The following FAM20C variants were observed in gnomAD, a reference collection of about 807,000 sequenced individuals.
The protein encoded by FAM20C is FAM20C golgi associated secretory pathway kinase, also known as extracellular serine/threonine protein kinase FAM20C.
FAM20C carries 40 observed loss-of-function variants against 51.5 expected under a neutral mutation model. That is an observed-to-expected ratio of 0.78 (90% CI 0.60 to 1.01). The LOEUF (loss-of-function observed/expected upper bound fraction) is 1.01. FAM20C is among the 50% of genes least tolerant of loss of function. The probability of loss-of-function intolerance (pLI) is 0.00; values close to 1 mark genes in which losing one functional copy is unlikely to be tolerated. For missense variants in FAM20C, 861 were observed against 844.7 expected (o/e 1.02, Z -0.24); for synonymous variants, 406 against 380.6 (o/e 1.07, Z -0.78).
At chr7:204,285 G>C (rs553531367) in intron 2 of FAM20C, among the ~76,000 whole-genome samples, 2 of 152,240 alleles carry the variant, frequency 1.3e-5, no homozygotes, top group Non-Finnish European at 2.9e-5. Context: ...CTGCTGGCCC[G>C]CCTGAGGCTG....
chr7:222,885 G>GCATA (rs1787296563), intron 3 of FAM20C, among the ~76,000 whole-genome samples: 3 of 112,884 alleles, frequency 2.7e-5, no homozygotes, highest in African/African-American at 9.9e-5. Context: ...CGTGTGTGAC[G>GCATA]TGTACATGTG....
At chr7:214,978 G>A (rs867220558) in intron 3 of FAM20C, among the ~76,000 whole-genome samples, 1 of 152,088 alleles carries the variant, frequency 6.6e-6, no homozygotes, top group African/African-American at 2.4e-5. Flanking sequence ...ACTCAGACTC[G>A]AAGCCTGAAG....
At chr7:246,627 C>T (rs1237392893) in intron 4 of FAM20C, 120 bp downstream of exon 4, 3 of 456,556 alleles carry the variant, frequency 6.6e-6, no homozygotes, top group Admixed American at 3.8e-5. Context: ...CATCAGGCAG[C>T]GCCGGTGCCT....
At chr7:211,944 C>G (rs1786740304) in intron 3 of FAM20C, among the ~76,000 whole-genome samples, 1 of 152,188 alleles carries the variant, frequency 6.6e-6, no homozygotes, top group African/African-American at 2.4e-5. Context: ...CCCCCCAGGT[C>G]AGGTTAGGGC....
rs548651971 is a variant in FAM20C, at chr7:217,203, G to T, written c.863+8227G>T. On this transcript the variant is annotated intron_variant, in intron 3 of 9. Transcript: ENST00000313766. The stretch of plus-strand genomic sequence containing the variant: ...GGGCTGCTGACCCCCCGAGGCCTGT[G>T]GGGGAGGCGGACACAGCTTTGGCCT... 2.6e-5 allele frequency among the ~76,000 whole-genome samples: 4 copies of T among 152,264 alleles called. No individual in the cohort carries two copies. The East Asian group carries it at 7.7e-4, about 29-fold the overall frequency.
Position 195,720 on chromosome 7 carries a change from A to G in FAM20C, c.772A>G (p.Ile258Val). The G allele has an allele frequency of 6.2e-7, 1 of 1,605,854 alleles. No individual in the cohort carries two copies. Among genetic ancestry groups the G allele is most frequent in the Non-Finnish European group, 8.5e-7 (1 of 1,175,782 alleles). Reference protein sequence around the residue: ...ALLHDLSSQRITSVAMKSGGT... With the variant: ...ALLHDLSSQRVTSVAMKSGGT... ...GCTGCACGACCTCAGCTCCCAGAGG[A>G]TCACCAGCGTGGGTAGGTGTCCTTG... is the stretch of plus-strand genomic sequence containing the variant. Residue 258 changes from isoleucine to valine, a missense_variant, in exon 2 of 10, where the codon ATC becomes GTC. Transcript: ENST00000313766.
At chr7:248,222 C>A in intron 4 of FAM20C, 93 bp from the exon 5 acceptor site, 1 of 884,004 alleles carries the variant, frequency 1.1e-6, no homozygotes, top group Non-Finnish European at 1.7e-6. Context: ...AGAGCACAGA[C>A]CCTCCCCTGC....
chr7:259,634 C>A, intron 9 of FAM20C, 97 bp from the exon 10 acceptor site: 1 of 1,399,514 alleles, frequency 7.1e-7, no homozygotes, highest in Non-Finnish European at 9.5e-7. Context: ...CTGTCTCTCC[C>A]CCCACTCTCT....
intron 3 of FAM20C, among the ~76,000 whole-genome samples, chr7:243,934 TAA>T (rs1788039432): frequency 8.0e-5 from 10 of 125,676 alleles, no homozygotes; most frequent in African/African-American, 2.9e-4. Flanking sequence ...ATAATAATAA[TAA>T]TAATAATAAT....
At chr7:194,000 CG>C in intron 1 of FAM20C, 196 bp downstream of exon 1, 4 of 883,016 alleles carry the variant, frequency 4.5e-6, no homozygotes. Context: ...GAGGGGCTGC[CG>C]GCTGGTCCGG....
chr7:208,901 T>C lies in FAM20C; in HGVS notation c.788T>C (p.Met263Thr). Reference protein sequence around the residue: ...LSSQRITSVAMKSGGTQLKLI... With the variant: ...LSSQRITSVATKSGGTQLKLI... ...TTTCTCTCCCTCCTTCCTGCAGCCATGAAGTCGGGGGGCACGCAGCTGAAG... is the reference window on the plus strand; with the variant it reads ...TTTCTCTCCCTCCTTCCTGCAGCCACGAAGTCGGGGGGCACGCAGCTGAAG... Residue 263 changes from methionine (M) to threonine (T), a missense_variant, in exon 3 of 10, where the codon ATG becomes ACG. By Grantham distance (81) the Met-to-Thr change is moderately conservative. Transcript: ENST00000313766. The C allele has an allele frequency of 6.4e-7, 1 of 1,572,624 alleles. No homozygotes were observed. The highest frequency in any genetic ancestry group is 8.6e-7 in the Non-Finnish European group (1 of 1,158,890).
At chr7:236,270 G>T (rs970710759) in intron 3 of FAM20C, among the ~76,000 whole-genome samples, 6 of 152,152 alleles carry the variant, frequency 3.9e-5, no homozygotes, top group Admixed American at 3.3e-4. Flanking sequence ...GGTCTCCGCC[G>T]AGGACGCCCC....
intron 5 of FAM20C, among the ~76,000 whole-genome samples, chr7:252,778 A>T (rs775522570): frequency 4.6e-4 from 70 of 152,242 alleles, no homozygotes; most frequent in African/African-American, 7.2e-5. Context: ...GAGGGCAATT[A>T]GGACCCCAGC....
At chr7:246,248 C>T (rs943013968) in intron 3 of FAM20C, 167 bp from the exon 4 acceptor site, 4 of 627,532 alleles carry the variant, frequency 6.4e-6, no homozygotes, top group African/African-American at 3.7e-5. Context: ...GCTCTGAGGG[C>T]CCGTCGGCAG....
chr7:213,676 G>T (rs1229222111), intron 3 of FAM20C, among the ~76,000 whole-genome samples: 1 of 152,212 alleles, frequency 6.6e-6, no homozygotes, highest in African/African-American at 2.4e-5. Context: ...TCTCTTGGAT[G>T]TATTCTGGGG....
intron 2 of FAM20C, among the ~76,000 whole-genome samples, chr7:198,865 G>A (rs1786006147): frequency 6.6e-6 from 1 of 152,242 alleles, no homozygotes; most frequent in South Asian, 2.1e-4. Flanking sequence ...CCAGGGCTGG[G>A]CAGGTGCCTG....
At chr7:196,282 G>A (rs1309642566) in intron 2 of FAM20C, among the ~76,000 whole-genome samples, 2 of 151,654 alleles carry the variant, frequency 1.3e-5, no homozygotes, top group Admixed American at 1.3e-4. Context: ...AGATGGAGGA[G>A]TTTGAAGGCA....
At position 256,400 on chromosome 7, in the gene FAM20C, A is replaced by G. The variant is rs1296103430; in HGVS notation, c.1254-254A>G. On this transcript the variant is annotated intron_variant, in intron 6 of 9. Coordinates refer to ENST00000313766, the MANE Select transcript of FAM20C (RefSeq NM_020223.4). ...TGTAGTCCAGGTCCTGTTTCCCCAC[A>G]GAGACTCTGCAAAAAACACGGGGCC... is the stretch of plus-strand genomic sequence containing the variant. 8.7e-6 allele frequency: 5 copies of G among 575,662 alleles called. No individual in the cohort carries two copies. In the East Asian group the frequency reaches 1.4e-4, roughly 17 times the overall value. 35.7% of individuals were successfully genotyped at this position (575,662 alleles called of 1,614,324 possible).
At chr7:233,838 C>T (rs1202784873) in intron 3 of FAM20C, among the ~76,000 whole-genome samples, 3 of 152,194 alleles carry the variant, frequency 2.0e-5, no homozygotes, top group Non-Finnish European at 2.9e-5. Context: ...TCAGCTCAGT[C>T]GTCATTCCTA....
Sources: gnomAD v4.1 joint callset for allele counts (sites outside exome capture counted in the v4.1 genomes callset) on GRCh38, gnomAD v4.1.1 for gene constraint, MANE v1.5 for transcripts, NCBI Gene and HGNC (gene_info 2026-07-23, HGNC 2026-07-21) for gene names.